Variants in OR11H2 observed in about 807,000 individuals in gnomAD.
The protein encoded by OR11H2 is olfactory receptor family 11 subfamily H member 2.
For missense variants in OR11H2, 82 were observed against 370.0 expected, an observed-to-expected ratio of 0.22 and a Z score of 6.39; for synonymous variants, 35 against 135.6, an observed-to-expected ratio of 0.26 and a Z score of 5.15.
At position 19,713,431 on chromosome 14, in the gene OR11H2, C is replaced by T; in HGVS notation, c.453G>A (p.Leu151=). ...ACCACAGAAATCCACAAACCCAGCACAGTATGACCAGTTTGGCATAGAGAT... is the reference window on the plus strand; with the variant it reads ...ACCACAGAAATCCACAAACCCAGCATAGTATGACCAGTTTGGCATAGAGAT... ...TGHLYAKLVI[L]CWVCGFLWFL... is the part of the protein sequence containing the mutation. The change falls in exon 1 of 1, where the codon CTG becomes CTA. Residue 151 remains leucine, a synonymous_variant. Transcript: ENST00000556246. The T allele has an allele frequency of 6.3e-7, 1 of 1,599,878 alleles. No homozygotes were observed.
rs1234789448 is a variant in OR11H2 at position 19,713,851 on chromosome 14, A to G, written c.33T>C (p.Ala11=). The G allele has an allele frequency of 1.4e-6, 2 of 1,458,464 alleles. No homozygotes were observed. Among genetic ancestry groups the G allele is most frequent in the African/African-American group, 3.4e-5 (2 of 59,314 alleles). 90.3% of individuals were successfully genotyped at this position (1,458,464 alleles called of 1,614,324 possible). The change falls in exon 1 of 1, where the codon GCT becomes GCC. Residue 11 remains alanine (A), a synonymous_variant. Coordinates refer to ENST00000556246, the MANE Select transcript of OR11H2 (RefSeq NM_001197287.2). MNVSEPNSSF[A]FVNEFILQGF... ...CTTGGAGTATAAATTCATTTACAAA[A>G]GCAAAGCTGGAATTTGGCTCAGAGA...
Position 19,713,342 on chromosome 14 carries a change from A to G in OR11H2, c.542T>C (p.Val181Ala). The change falls in exon 1 of 1, where the codon GTT becomes GCT. Residue 181 changes from valine to alanine, a missense_variant. By Grantham distance (64) the Val-to-Ala change is moderately conservative. Coordinates refer to ENST00000556246, the MANE Select transcript of OR11H2 (RefSeq NM_001197287.2). ...AAATAGTGGCCCTGGGTCACACACA[A>G]CATGGTCAATAATGTTTGGGCCACA... ...PFCGPNIIDH[V>A]VCDPGPLFAL... 1 of 1,611,506 alleles carries G rather than the reference A, an allele frequency of 6.2e-7. No homozygotes were observed.
In OR11H2 at chr14:19,713,122, C is replaced by T. The variant is rs772086511; in HGVS notation, c.762G>A (p.Leu254=). 14 of 1,480,982 alleles carry T rather than the reference C, an allele frequency of 9.5e-6. 3 individuals carry two copies. The highest frequency in any genetic ancestry group is 1.3e-5 in the Non-Finnish European group (14 of 1,077,236). The allele number at this position is 1,480,982 out of a possible 1,614,324, so 91.7% of individuals were successfully genotyped here. ...ACATGACCATAAGAGGGCTATAGCA[C>T]AGTGATACCACAGCCAAATGAGACC... is the stretch of plus-strand genomic sequence containing the variant. ...TCGSHLAVVS[L]CYSPLMVMYV... is the part of the protein sequence containing the mutation. Residue 254 remains leucine, a synonymous_variant, in exon 1 of 1, where the codon CTG becomes CTA. Transcript: ENST00000556246.
At position 19,713,248 on chromosome 14, in the gene OR11H2, A is replaced by G; in HGVS notation, c.636T>C (p.Phe212=). ...FCYTLSSLVI[F]GNFLFIIGSY... ...ATCCAATAATAAAGAGGAAGTTACC[A>G]AAAATAACTAATGAGCTTAGAGTGT... Residue 212 remains phenylalanine (F), a synonymous_variant, in exon 1 of 1, where the codon TTT becomes TTC. Coordinates refer to ENST00000556246, the MANE Select transcript of OR11H2 (RefSeq NM_001197287.2). 3.1e-6 allele frequency: 5 copies of G among 1,608,728 alleles called. No individual in the cohort carries two copies. The South Asian group carries it at 3.3e-5, about 11-fold the overall frequency.
At position 19,713,343 on chromosome 14, in the gene OR11H2, C is replaced by T. The variant is rs201024081; in HGVS notation, c.541G>A (p.Val181Ile). Reference sequence around the variant, plus strand: ...AATAGTGGCCCTGGGTCACACACAACATGGTCAATAATGTTTGGGCCACAG... The same window carrying T: ...AATAGTGGCCCTGGGTCACACACAATATGGTCAATAATGTTTGGGCCACAG... ...PFCGPNIIDH[V>I]VCDPGPLFAL... Residue 181 changes from valine to isoleucine, a missense_variant, in exon 1 of 1, where the codon GTT (valine) becomes ATT (isoleucine). Physicochemically the swap from Val to Ile is conservative, Grantham distance 29. Coordinates refer to ENST00000556246, the MANE Select transcript of OR11H2 (RefSeq NM_001197287.2). The T allele has an allele frequency of 0.3, 459,797 of 1,523,614 alleles. 30,181 individuals are homozygous for T. Among genetic ancestry groups the T allele is most frequent in the South Asian group, 0.32 (27,404 of 85,356 alleles). The allele number at this position is 1,523,614 out of a possible 1,614,324, so 94.4% of individuals were successfully genotyped here.
Position 19,713,435 on chromosome 14 carries a change from A to T in OR11H2, c.449T>A (p.Ile150Lys). Residue 150 changes from isoleucine (I) to lysine (K), a missense_variant, in exon 1 of 1, where the codon ATA becomes AAA. By Grantham distance (102) the Ile-to-Lys change is moderately radical. Transcript: ENST00000556246. ...CAGAAATCCACAAACCCAGCACAGT[A>T]TGACCAGTTTGGCATAGAGATGCCC... ...MTGHLYAKLV[I>K]LCWVCGFLWF... 2.5e-6 allele frequency: 4 copies of T among 1,596,316 alleles called. No homozygotes were observed. Among genetic ancestry groups the T allele is most frequent in the Non-Finnish European group, 3.4e-6 (4 of 1,167,556 alleles).
chr14:19,713,430 A>G lies in OR11H2; in HGVS notation c.454T>C (p.Cys152Arg). The G allele has an allele frequency of 6.2e-7, 1 of 1,606,318 alleles. No individual in the cohort carries two copies. The highest frequency in any genetic ancestry group is 8.5e-7 in the Non-Finnish European group (1 of 1,176,656). ...GHLYAKLVIL[C>R]WVCGFLWFLI... is the part of the protein sequence containing the mutation. Reference sequence around the variant, plus strand: ...AACCACAGAAATCCACAAACCCAGCACAGTATGACCAGTTTGGCATAGAGA... The same window carrying G: ...AACCACAGAAATCCACAAACCCAGCGCAGTATGACCAGTTTGGCATAGAGA... The change falls in exon 1 of 1, where the codon TGC (cysteine) becomes CGC (arginine). Residue 152 changes from cysteine to arginine, a missense_variant. Cys to Arg is a radical substitution (Grantham distance 180, BLOSUM62 -3). Coordinates refer to ENST00000556246, the MANE Select transcript of OR11H2 (RefSeq NM_001197287.2).
At position 19,713,203 on chromosome 14, in the gene OR11H2, T is replaced by G; in HGVS notation, c.681A>C (p.Lys227Asn). 1 of 1,608,722 alleles carries G rather than the reference T, an allele frequency of 6.2e-7. No individual in the cohort carries two copies. Among genetic ancestry groups the G allele is most frequent in the South Asian group, 1.1e-5 (1 of 90,810 alleles). Reference sequence around the variant, plus strand: ...TGCTTGAAGGCATACCCAACACAGCTTTCAGGACAAGAGTATAGGATCCAA... The same window carrying G: ...TGCTTGAAGGCATACCCAACACAGCGTTCAGGACAAGAGTATAGGATCCAA... ...FIIGSYTLVL[K>N]AVLGMPSSTG... Residue 227 changes from lysine to asparagine, a missense_variant, in exon 1 of 1, where the codon AAA becomes AAC. Lys to Asn is a moderately conservative substitution (Grantham distance 94, BLOSUM62 0). Coordinates refer to ENST00000556246, the MANE Select transcript of OR11H2 (RefSeq NM_001197287.2).
At position 19,713,136 on chromosome 14, in the gene OR11H2, C is replaced by G. The variant is rs776897948; in HGVS notation, c.748G>C (p.Ala250Pro). 9 of 1,533,408 alleles carry G rather than the reference C, an allele frequency of 5.9e-6. No individual in the cohort carries two copies. Among genetic ancestry groups the G allele is most frequent in the Non-Finnish European group, 7.2e-6 (8 of 1,116,648 alleles). The allele number at this position is 1,533,408 out of a possible 1,614,324, so 95.0% of individuals were successfully genotyped here. ...GGGCTATAGCACAGTGATACCACAG[C>G]CAAATGAGACCCACAGGTAGAGAAG... ...KAFSTCGSHL[A>P]VVSLCYSPLM... Residue 250 changes from alanine to proline, a missense_variant, in exon 1 of 1, where the codon GCT (alanine) becomes CCT (proline). Coordinates refer to ENST00000556246, the MANE Select transcript of OR11H2 (RefSeq NM_001197287.2).
chr14:19,713,431 C>G lies in OR11H2; in HGVS notation c.453G>C (p.Leu151=), dbSNP rs1338304200. The G allele has an allele frequency of 4.4e-6, 7 of 1,599,760 alleles. No individual in the cohort carries two copies. The highest frequency in any genetic ancestry group is 6.0e-6 in the Non-Finnish European group (7 of 1,170,888). ...TGHLYAKLVI[L]CWVCGFLWFL... ...ACCACAGAAATCCACAAACCCAGCA[C>G]AGTATGACCAGTTTGGCATAGAGAT... The change falls in exon 1 of 1, where the codon CTG becomes CTC. Residue 151 remains leucine (L), a synonymous_variant. Coordinates refer to ENST00000556246, the MANE Select transcript of OR11H2 (RefSeq NM_001197287.2).
rs2259909 is a variant in OR11H2, at chr14:19,713,115, T to A, written c.769A>T (p.Ser257Cys). ...SHLAVVSLCY[S>C]PLMVMYVSPG... ...CTCACATACATGACCATAAGAGGGC[T>A]ATAGCACAGTGATACCACAGCCAAA... The change falls in exon 1 of 1, where the codon AGC (serine) becomes TGC (cysteine). Residue 257 changes from serine to cysteine, a missense_variant. By Grantham distance (112) the Ser-to-Cys change is moderately radical. Transcript: ENST00000556246. 5.6e-6 allele frequency: 8 copies of A among 1,432,344 alleles called. No homozygotes were observed. The highest frequency in any genetic ancestry group is 7.6e-6 in the Non-Finnish European group (8 of 1,050,454). 88.7% of individuals were successfully genotyped at this position (1,432,344 alleles called of 1,614,324 possible). A position where few individuals can be genotyped will look rare whatever the true frequency, so the allele number is the denominator to read the frequency against.
At position 19,713,391 on chromosome 14, in the gene OR11H2, C is replaced by T. The variant is rs1318087453; in HGVS notation, c.493G>A (p.Val165Ile). The T allele has an allele frequency of 6.2e-7, 1 of 1,609,942 alleles. No homozygotes were observed. The highest frequency in any genetic ancestry group is 1.7e-5 in the Admixed American group (1 of 59,158). The stretch of plus-strand genomic sequence containing the variant: ...CAGAAGGGCTTCTGAGAGATGAGAA[C>T]AATGGGGATCAGGAACCACAGAAAT... ...CGFLWFLIPI[V>I]LISQKPFCGP... is the part of the protein sequence containing the mutation. Residue 165 changes from valine to isoleucine, a missense_variant, in exon 1 of 1, where the codon GTT (valine) becomes ATT (isoleucine). Val to Ile is a conservative substitution (Grantham distance 29). Coordinates refer to ENST00000556246, the MANE Select transcript of OR11H2 (RefSeq NM_001197287.2).
rs775131797 is a variant in OR11H2, at chr14:19,713,422, A to G, written c.462T>C (p.Val154=). The G allele has an allele frequency of 1.6e-5, 26 of 1,609,222 alleles. No individual in the cohort carries two copies. Among genetic ancestry groups the G allele is most frequent in the South Asian group, 9.9e-5 (9 of 90,906 alleles). ...GGATCAGGAACCACAGAAATCCACA[A>G]ACCCAGCACAGTATGACCAGTTTGG... ...LYAKLVILCW[V]CGFLWFLIPI... The change falls in exon 1 of 1, where the codon GTT becomes GTC. Residue 154 remains valine (V), a synonymous_variant. Transcript: ENST00000556246.
Position 19,713,524 on chromosome 14 carries a change from A to T in OR11H2, c.360T>A (p.Thr120=). 6.5e-7 allele frequency: 1 copy of T among 1,543,152 alleles called. No homozygotes were observed. Among genetic ancestry groups the T allele is most frequent in the Admixed American group, 1.7e-5 (1 of 57,498 alleles). Reference sequence around the variant, plus strand: ...CAAGGTACTGATCAAAGGCCATCACAGTCAAAAGCAAGCATTCTGATGTAC... The same window carrying T: ...CAAGGTACTGATCAAAGGCCATCACTGTCAAAAGCAAGCATTCTGATGTAC... ...SLGTSECLLL[T]VMAFDQYLAI... is the part of the protein sequence containing the mutation. The change falls in exon 1 of 1, where the codon ACT becomes ACA. Residue 120 remains threonine, a synonymous_variant. Transcript: ENST00000556246.
In OR11H2 at chr14:19,712,956, C is replaced by A; in HGVS notation, c.928G>T (p.Gly310Trp). 2 of 1,313,650 alleles carry A rather than the reference C, an allele frequency of 1.5e-6. No homozygotes were observed. The highest frequency in any genetic ancestry group is 3.5e-5 in the Admixed American group (2 of 56,786). The allele number at this position is 1,313,650 out of a possible 1,614,324, so 81.4% of individuals were successfully genotyped here. The part of the protein sequence containing the change: ...EIKAALRKVL[G>W]SSNII ...ATGCCTTAGATTATGTTGGAACTCC[C>A]CAGAACTTTCCTCAGGGCTGCCTTT... The change falls in exon 1 of 1, where the codon GGG becomes TGG. Residue 310 changes from glycine (G) to tryptophan (W), a missense_variant. Physicochemically the swap from Gly to Trp is radical, Grantham distance 184. Transcript: ENST00000556246.
rs1876462860 is a variant in OR11H2 at position 19,713,620 on chromosome 14, G to C, written c.264C>G (p.Asn88Lys). Residue 88 changes from asparagine (N) to lysine (K), a missense_variant, in exon 1 of 1, where the codon AAC becomes AAG. Asn to Lys is a moderately conservative substitution (Grantham distance 94). Transcript: ENST00000556246. The part of the protein sequence containing the change: ...VSSTVPKMLV[N>K]FLSEKKNISF... ...AGATGTTTTTTTTCTCTGAAAGGAA[G>C]TTGACCAACATCTTGGGAACTGTAG... 1 of 1,351,788 alleles carries C rather than the reference G, an allele frequency of 7.4e-7. No homozygotes were observed. The highest frequency in any genetic ancestry group is 1.6e-5 in the African/African-American group (1 of 63,938). 83.7% of individuals were successfully genotyped at this position (1,351,788 alleles called of 1,614,324 possible). A position where few individuals can be genotyped will look rare whatever the true frequency, so the allele number is the denominator to read the frequency against.
rs750076730 is a variant in OR11H2 at position 19,713,277 on chromosome 14, A to T, written c.607T>A (p.Cys203Ser). The change falls in exon 1 of 1, where the codon TGC becomes AGC. Residue 203 changes from cysteine (C) to serine (S), a missense_variant. Cys to Ser is a moderately radical substitution (Grantham distance 112). Transcript: ENST00000556246. ...CVSAPRIQLF[C>S]YTLSSLVIFG... Reference sequence around the variant, plus strand: ...ATAACTAATGAGCTTAGAGTGTAGCAAAACAGTTGGATTCTTGGGGCAGAA... The same window carrying T: ...ATAACTAATGAGCTTAGAGTGTAGCTAAACAGTTGGATTCTTGGGGCAGAA... 1 of 1,611,310 alleles carries T rather than the reference A, an allele frequency of 6.2e-7. No homozygotes were observed. The highest frequency in any genetic ancestry group is 1.1e-5 in the South Asian group (1 of 90,982).
Position 19,713,082 on chromosome 14 carries a change from G to C in OR11H2, c.802C>G (p.Leu268Val). Reference sequence around the variant, plus strand: ...TTCTGCATCCCTGTAGAATGTCCGAGTCCTGGGCTCACATACATGACCATA... The same window carrying C: ...TTCTGCATCCCTGTAGAATGTCCGACTCCTGGGCTCACATACATGACCATA... ...PLMVMYVSPGLGHSTGMQKIE... is the reference protein window; with the variant it reads ...PLMVMYVSPGVGHSTGMQKIE... The change falls in exon 1 of 1, where the codon CTC (leucine) becomes GTC (valine). Residue 268 changes from leucine (L) to valine (V), a missense_variant. Coordinates refer to ENST00000556246, the MANE Select transcript of OR11H2 (RefSeq NM_001197287.2). 6.6e-7 allele frequency: 1 copy of C among 1,512,726 alleles called. No homozygotes were observed. Among genetic ancestry groups the C allele is most frequent in the South Asian group, 1.2e-5 (1 of 84,572 alleles). The allele number at this position is 1,512,726 out of a possible 1,614,324, so 93.7% of individuals were successfully genotyped here.
In OR11H2 at chr14:19,713,273, T is replaced by C. The variant is rs1244891309; in HGVS notation, c.611A>G (p.Tyr204Cys). ...VSAPRIQLFC[Y>C]TLSSLVIFGN... ...AAAAATAACTAATGAGCTTAGAGTG[T>C]AGCAAAACAGTTGGATTCTTGGGGC... The change falls in exon 1 of 1, where the codon TAC (tyrosine) becomes TGC (cysteine). Residue 204 changes from tyrosine (Y) to cysteine (C), a missense_variant. By Grantham distance (194) the Tyr-to-Cys change is radical. Coordinates refer to ENST00000556246, the MANE Select transcript of OR11H2 (RefSeq NM_001197287.2). The C allele has an allele frequency of 2.5e-6, 4 of 1,611,012 alleles. No individual in the cohort carries two copies. The highest frequency in any genetic ancestry group is 3.4e-6 in the Non-Finnish European group (4 of 1,179,470).
Sources: allele counts gnomAD v4.1 joint callset, GRCh38; gene constraint gnomAD v4.1.1; transcripts MANE v1.5; gene names NCBI Gene and HGNC (gene_info 2026-07-23, HGNC 2026-07-21).